LHFPL3: variants seen among roughly 807,000 people sequenced by gnomAD.
The protein encoded by LHFPL3 is LHFPL tetraspan subfamily member 3.
LHFPL3 carries 5 observed loss-of-function variants against 19.3 expected under a neutral mutation model. The ratio of observed to expected loss-of-function variants is 0.26; its 90% CI spans 0.14 to 0.54. The LOEUF is 0.54. Among genes scored for constraint, LHFPL3 ranks in the 20% least tolerant of loss-of-function variants. LHFPL3 has a pLI of 0.94. For synonymous variants in LHFPL3, 133 were observed against 126.2 expected (o/e 1.05, Z -0.36); for missense variants, 249 against 307.4 (o/e 0.81, Z 1.42).
At chr7:104,485,569 C>G (rs968147294) in intron 1 of LHFPL3, among the ~76,000 whole-genome samples, 1 of 152,048 alleles carries the variant, frequency 6.6e-6, no homozygotes, top group African/African-American at 2.4e-5. Flanking sequence ...TGGAATATTT[C>G]TTTTGTATTT....
At chr7:104,726,334 AT>A (rs34677235) in intron 1 of LHFPL3, among the ~76,000 whole-genome samples, 38 of 148,816 alleles carry the variant, frequency 2.6e-4, no homozygotes, top group Middle Eastern at 3.5e-3. Flanking sequence ...ACCAAAGACT[AT>A]TTTTTTTTTT....
intron 1 of LHFPL3, among the ~76,000 whole-genome samples, chr7:104,461,484 C>T (rs1052023748): frequency 2.6e-5 from 4 of 152,144 alleles, no homozygotes; most frequent in African/African-American, 7.2e-5. Context: ...TGCTTGTTTT[C>T]GTCAGCTTTG....
At chr7:104,530,205 T>C (rs940688593) in intron 1 of LHFPL3, among the ~76,000 whole-genome samples, 1 of 152,224 alleles carries the variant, frequency 6.6e-6, no homozygotes, top group Non-Finnish European at 1.5e-5. Flanking sequence ...TAATTCTAGA[T>C]TGAAATCATT....
intron 1 of LHFPL3, among the ~76,000 whole-genome samples, chr7:104,332,261 G>A (rs1459296601): frequency 9.0e-5 from 10 of 111,010 alleles, no homozygotes; most frequent in South Asian, 6.3e-4. Flanking sequence ...ATGGAGTCTC[G>A]CTCTGTCACC....
At position 104,479,942 on chromosome 7, in the gene LHFPL3, G is replaced by T. The variant is rs578000249; in HGVS notation, c.445+150718G>T. ...TTTATTCTCTACAATTAATGTATAA[G>T]ATTGGGTAAATAGGTTTTATTATTT... On this transcript the variant is annotated intron_variant, in intron 1 of 2. Transcript: ENST00000424859. Among the ~76,000 whole-genome samples, 3 of 152,320 alleles carry T rather than the reference G, an allele frequency of 2.0e-5. No homozygotes were observed. The South Asian group carries it at 6.2e-4, about 32-fold the overall frequency.
chr7:104,627,216 C>T (rs1396092006), intron 1 of LHFPL3, among the ~76,000 whole-genome samples: 3 of 152,086 alleles, frequency 2.0e-5, no homozygotes, highest in Non-Finnish European at 4.4e-5. Context: ...TAATTACAAT[C>T]ATGCGGTATT....
intron 1 of LHFPL3, among the ~76,000 whole-genome samples, chr7:104,585,812 C>A (rs1405515923): frequency 6.6e-6 from 1 of 152,018 alleles, no homozygotes; most frequent in Non-Finnish European, 1.5e-5. Context: ...TACTTAAAAT[C>A]ATGCAGGGAA....
At chr7:104,488,060 C>T (rs570526882) in intron 1 of LHFPL3, among the ~76,000 whole-genome samples, 8 of 152,220 alleles carry the variant, frequency 5.3e-5, no homozygotes, top group South Asian at 2.1e-4. Flanking sequence ...TTTCTCATTT[C>T]CACCCTTTCT....
At chr7:104,484,663 G>A (rs2115670074) in intron 1 of LHFPL3, among the ~76,000 whole-genome samples, 1 of 152,312 alleles carries the variant, frequency 6.6e-6, no homozygotes, top group Non-Finnish European at 1.5e-5. Flanking sequence ...GTAAAGAACA[G>A]AGATTTATTT....
At chr7:104,428,448 T>C (rs1487675225) in intron 1 of LHFPL3, among the ~76,000 whole-genome samples, 2 of 152,212 alleles carry the variant, frequency 1.3e-5, no homozygotes, top group Non-Finnish European at 2.9e-5. Flanking sequence ...CTTTTCATAG[T>C]TGATAATTTA....
chr7:104,490,750 C>T (rs1377166234), intron 1 of LHFPL3, among the ~76,000 whole-genome samples: 1 of 152,092 alleles, frequency 6.6e-6, no homozygotes, highest in Non-Finnish European at 1.5e-5. Context: ...AAAAATATTG[C>T]TCAAATTCTT....
intron 1 of LHFPL3, among the ~76,000 whole-genome samples, chr7:104,428,856 C>T (rs144581179): frequency 3.4e-3 from 509 of 151,886 alleles, no homozygotes; most frequent in African/African-American, 0.011. Context: ...TTGAAATAAC[C>T]CTATTGATAG....
At chr7:104,896,247 G>T (rs1420063939) in intron 2 of LHFPL3, among the ~76,000 whole-genome samples, 1 of 152,218 alleles carries the variant, frequency 6.6e-6, no homozygotes. Context: ...AACACCAGGG[G>T]TTGTTGAGCA....
chr7:104,502,647 C>T (rs1793622418), intron 1 of LHFPL3, among the ~76,000 whole-genome samples: 1 of 152,158 alleles, frequency 6.6e-6, no homozygotes, highest in African/African-American at 2.4e-5. Context: ...CACCACCTCC[C>T]AATGTATTTG....
At chr7:104,597,462 A>G (rs754020417) in intron 1 of LHFPL3, among the ~76,000 whole-genome samples, 1 of 152,224 alleles carries the variant, frequency 6.6e-6, no homozygotes, top group Non-Finnish European at 1.5e-5. Context: ...CTGATAATGC[A>G]GTCATACCAG....
chr7:104,455,240 G>C (rs879862575), intron 1 of LHFPL3, among the ~76,000 whole-genome samples: 2 of 152,162 alleles, frequency 1.3e-5, no homozygotes, highest in African/African-American at 2.4e-5. Context: ...TGGTGATGAG[G>C]CATATTAATT....
At chr7:104,499,233 G>T (rs1793551275) in intron 1 of LHFPL3, among the ~76,000 whole-genome samples, 1 of 152,192 alleles carries the variant, frequency 6.6e-6, no homozygotes, top group Non-Finnish European at 1.5e-5. Context: ...TCAACCTGTT[G>T]GGTAATGTTA....
At chr7:104,578,959 C>T (rs1212567182) in intron 1 of LHFPL3, among the ~76,000 whole-genome samples, 1 of 152,142 alleles carries the variant, frequency 6.6e-6, no homozygotes, top group East Asian at 1.9e-4. Context: ...TCTGGAACAT[C>T]CTGTCATCTG....
intron 2 of LHFPL3, among the ~76,000 whole-genome samples, chr7:104,737,391 A>C (rs1334811097): frequency 1.3e-5 from 2 of 152,184 alleles, no homozygotes; most frequent in African/African-American, 4.8e-5. Flanking sequence ...TCTCAGAGAG[A>C]GGTAGTAACA....
Sources: allele counts gnomAD v4.1 joint callset (sites outside exome capture counted in the v4.1 genomes callset), GRCh38; gene constraint gnomAD v4.1.1; transcripts MANE v1.5; gene names NCBI Gene and HGNC (gene_info 2026-07-23, HGNC 2026-07-21).